MDN1: variants seen among roughly 807,000 people sequenced by gnomAD.
MDN1 encodes midasin AAA ATPase 1, also known as midasin.
A neutral mutation model predicts 669.2 loss-of-function variants in MDN1; 266 were observed. That is an observed-to-expected ratio of 0.40 (90% CI 0.36 to 0.44). The LOEUF is 0.44. Among genes scored for constraint, MDN1 ranks in the 20% least tolerant of loss-of-function variants. The probability of loss-of-function intolerance (pLI) is 1.00; values close to 1 mark genes in which losing one functional copy is unlikely to be tolerated. For synonymous variants in MDN1, 2,385 were observed against 2,457.1 expected (o/e 0.97, Z 0.87); for missense variants, 5,940 against 6,754.0 (o/e 0.88, Z 4.22).
At chr6:89,670,168 A>ATTTTTTTT (rs1431713155) in intron 83 of MDN1, among the ~76,000 whole-genome samples, 6 of 21,638 alleles carry the variant, frequency 2.8e-4, no homozygotes, top group East Asian at 8.6e-3. Context: ...ATATATATAT[A>ATTTTTTTT]TATTTTTTTT....
intron 53 of MDN1, among the ~76,000 whole-genome samples, chr6:89,704,480 A>G (rs1351212542): frequency 2.0e-5 from 3 of 152,238 alleles, no homozygotes; most frequent in Admixed American, 6.5e-5. Context: ...ACTTATTTAT[A>G]TTGAAGAATG....
chr6:89,694,666 C>T (rs865777630), intron 61 of MDN1, among the ~76,000 whole-genome samples: 10 of 151,500 alleles, frequency 6.6e-5, no homozygotes, highest in South Asian at 6.2e-4. Flanking sequence ...GCTTCAGCCT[C>T]GTGAGTAGCT....
At chr6:89,763,418 G>C (rs395363) in intron 15 of MDN1, among the ~76,000 whole-genome samples, 1 of 151,302 alleles carries the variant, frequency 6.6e-6, no homozygotes, top group Non-Finnish European at 1.5e-5. Context: ...TTAGTATTTA[G>C]ATTCTTTGTT....
At chr6:89,771,730 A>G (rs1818088410) in intron 14 of MDN1, 109 bp from the exon 15 acceptor site, 2 of 964,132 alleles carry the variant, frequency 2.1e-6, no homozygotes, top group Admixed American at 4.4e-5. Context: ...ATTTTTTGAG[A>G]CAGAGTCTTG....
intron 74 of MDN1, among the ~76,000 whole-genome samples, chr6:89,679,069 A>AGTAT (rs1251715995): frequency 1.3e-5 from 2 of 152,246 alleles, no homozygotes; most frequent in Non-Finnish European, 2.9e-5. Context: ...ACTGAGCACC[A>AGTAT]ACTATGTGCA....
intron 1 of MDN1, among the ~76,000 whole-genome samples, chr6:89,813,971 G>C (rs1202775510): frequency 6.6e-6 from 1 of 150,786 alleles, no homozygotes; most frequent in Admixed American, 6.6e-5. Context: ...CATGCCTATA[G>C]TTCCAGCTAC....
At chr6:89,654,885 A>C (rs894117880) in intron 92 of MDN1, among the ~76,000 whole-genome samples, 6 of 152,142 alleles carry the variant, frequency 3.9e-5, no homozygotes, top group African/African-American at 1.4e-4. Context: ...AAAATAATAA[A>C]AAGTAGTAGA....
At position 89,700,076 on chromosome 6, in the gene MDN1, C is replaced by T. The variant is rs772677667; in HGVS notation, c.8857G>A (p.Ala2953Thr). The change falls in exon 57 of 102, where the codon GCT (alanine) becomes ACT (threonine). Residue 2953 changes from alanine to threonine, a missense_variant. Physicochemically the swap from Ala to Thr is moderately conservative, Grantham distance 58 (BLOSUM62 0). Around this residue, in one of 5 missense-constraint regions of MDN1, gnomAD observed 2,292 missense variants for 2,638.3 expected, o/e 0.87. Transcript: ENST00000369393. ...AGCATGGTTTACCTTCTGAGACAAG[C>T]TTGTGCCATAAAATCAGCTGTCACT... Reference protein sequence around the residue: ...YKVTADFMAQACLRRCSKNQQ... With the variant: ...YKVTADFMAQTCLRRCSKNQQ... 1.2e-6 allele frequency: 2 copies of T among 1,613,954 alleles called. No individual in the cohort carries two copies. The highest frequency in any genetic ancestry group is 2.2e-5 in the East Asian group (1 of 44,898).
intron 90 of MDN1, 129 bp downstream of exon 90, chr6:89,658,080 G>A (rs758937718): frequency 2.0e-5 from 22 of 1,119,838 alleles, no homozygotes; most frequent in Admixed American, 9.0e-5. Context: ...TCTGTTAGAT[G>A]TCAACAACAA....
At chr6:89,679,790 A>G (rs563295797) in intron 74 of MDN1, among the ~76,000 whole-genome samples, 2 of 152,352 alleles carry the variant, frequency 1.3e-5, no homozygotes, top group East Asian at 3.9e-4. Flanking sequence ...GTCACCAGTG[A>G]GCACAAGGAC....
chr6:89,675,510 G>C lies in MDN1; in HGVS notation c.12715C>G (p.Gln4239Glu). 1.2e-6 allele frequency: 2 copies of C among 1,613,854 alleles called. No homozygotes were observed. The highest frequency in any genetic ancestry group is 1.7e-6 in the Non-Finnish European group (2 of 1,180,032). Reference sequence around the variant, plus strand: ...CTGAGCGTGGTCAGGGAGCGCCGCTGTCGGACGAGCATCTTCATCAAATGT... The same window carrying C: ...CTGAGCGTGGTCAGGGAGCGCCGCTCTCGGACGAGCATCTTCATCAAATGT... ...SAHLMKMLVR[Q>E]RRSLTTLSEQ... The change falls in exon 78 of 102, where the codon CAG becomes GAG. Residue 4239 changes from glutamine (Q) to glutamate (E), a missense_variant. By Grantham distance (29) the Gln-to-Glu change is conservative (BLOSUM62 2). This residue lies in a region of MDN1 where 2,280 missense variants were observed against 2,576.3 expected (regional missense o/e 0.88). Coordinates refer to ENST00000369393, the MANE Select transcript of MDN1 (RefSeq NM_014611.3).
chr6:89,688,833 G>A, intron 65 of MDN1, 25 bp from the exon 66 acceptor site: 1 of 1,580,470 alleles, frequency 6.3e-7, no homozygotes, highest in African/African-American at 1.3e-5. Flanking sequence ...TCACGGTAAA[G>A]TCAGTGAATT....
rs148644731 is a variant in MDN1, at chr6:89,692,317, C to G, written c.10587+126G>C. ...ATAGGGAAAAAGAAGGAACAGAAAA[C>G]AAAATGCCCACGCCCCAACGACACT... On this transcript the variant is annotated intron_variant, in intron 63 of 101. Transcript: ENST00000369393. The G allele has an allele frequency of 2.2e-5, 18 of 804,684 alleles. No homozygotes were observed. In the Middle Eastern group the frequency reaches 1.1e-3, roughly 50 times the overall value. The allele number at this position is 804,684 out of a possible 1,614,324, so 49.8% of individuals were successfully genotyped here.
Position 89,646,610 on chromosome 6 carries a change from C to G in MDN1, c.16396-7G>C, listed in dbSNP as rs1230239807. On this transcript the variant is annotated splice_region_variant and splice_polypyrimidine_tract_variant and intron_variant, in intron 99 of 101. Coordinates refer to ENST00000369393, the MANE Select transcript of MDN1 (RefSeq NM_014611.3). ...TGGCAACAGACTCTAGAAACTAAAC[C>G]GGAACCAGGAATAGACAATTAGAAA... 16 of 1,613,228 alleles carry G rather than the reference C, an allele frequency of 9.9e-6. No individual in the cohort carries two copies. The Admixed American group carries it at 2.7e-4, about 27-fold the overall frequency.
chr6:89,765,633 A>C (rs964034425), intron 15 of MDN1, among the ~76,000 whole-genome samples: 2 of 152,198 alleles, frequency 1.3e-5, no homozygotes. Context: ...AGTCCTGAAA[A>C]TAACAGTATA....
intron 52 of MDN1, among the ~76,000 whole-genome samples, chr6:89,706,770 T>G (rs567834361): frequency 1.3e-5 from 2 of 152,292 alleles, no homozygotes; most frequent in East Asian, 3.9e-4. Context: ...TACAAGTATT[T>G]AAGTATAAAA....
In MDN1 at chr6:89,686,011, C is replaced by T. The variant is rs373423279; in HGVS notation, c.11573-38G>A. The T allele has an allele frequency of 4.1e-5, 65 of 1,593,750 alleles. No homozygotes were observed. In the Middle Eastern group the frequency reaches 1.8e-3, roughly 45 times the overall value. On this transcript the variant is annotated intron_variant, in intron 69 of 101. Transcript: ENST00000369393. ...AAAGAGAAAAATATATATGTTCCTT[C>T]GACCATGACTCCCTATTCCTAACAT...
Position 89,819,570 on chromosome 6 carries a change from A to G in MDN1, c.38T>C (p.Leu13Pro). The G allele has an allele frequency of 6.2e-7, 1 of 1,603,498 alleles. No homozygotes were observed. The highest frequency in any genetic ancestry group is 8.5e-7 in the Non-Finnish European group (1 of 1,179,958). ...CTCGTTCTTGGCTGCGATTAACCGCAGCGGCGCGGCTGCCACCTCCAGCAA... is the reference window on the plus strand; with the variant it reads ...CTCGTTCTTGGCTGCGATTAACCGCGGCGGCGCGGCTGCCACCTCCAGCAA... ...HFLLEVAAAP[L>P]RLIAAKNEKS... Residue 13 changes from leucine (L) to proline (P), a missense_variant, in exon 1 of 102, where the codon CTG (leucine) becomes CCG (proline). By Grantham distance (98) the Leu-to-Pro change is moderately conservative. Around this residue, in one of 5 missense-constraint regions of MDN1, gnomAD observed 1,203 missense variants for 1,268.9 expected, o/e 0.95. Transcript: ENST00000369393.
Position 89,688,133 on chromosome 6 carries a change from G to C in MDN1, c.11300C>G (p.Ser3767Cys), listed in dbSNP as rs767518861. The C allele has an allele frequency of 2.0e-5, 33 of 1,614,028 alleles. No homozygotes were observed. The highest frequency in any genetic ancestry group is 2.7e-5 in the Non-Finnish European group (32 of 1,180,020). The stretch of plus-strand genomic sequence containing the variant: ...ATTCAGGAACTTTGAGATGGGACTG[G>C]AAAGTGGGAAACTACGAATTCTGTC... ...VMDRIRSFPLSSPISKFLNGL... is the reference protein window; with the variant it reads ...VMDRIRSFPLCSPISKFLNGL... Residue 3767 changes from serine (S) to cysteine (C), a missense_variant, in exon 67 of 102, where the codon TCC becomes TGC. Physicochemically the swap from Ser to Cys is moderately radical, Grantham distance 112 (BLOSUM62 -1). Transcript: ENST00000369393.
Sources: allele counts gnomAD v4.1 joint callset (sites outside exome capture counted in the v4.1 genomes callset), GRCh38; gene constraint gnomAD v4.1.1; regional missense constraint gnomAD v4.1.1; transcripts MANE v1.5; gene names NCBI Gene and HGNC (gene_info 2026-07-23, HGNC 2026-07-21).